SRRM4: variants seen among roughly 807,000 people sequenced by gnomAD.
The protein encoded by SRRM4 is serine/arginine repetitive matrix protein 4.
In SRRM4, 33 loss-of-function variants were observed where a neutral mutation model predicts 68.9. The observed-to-expected ratio is 0.48, with a 90% confidence interval of 0.36 to 0.64. The LOEUF (loss-of-function observed/expected upper bound fraction) is 0.64. Ranked by LOEUF, SRRM4 falls within the 30% of genes least tolerant of loss-of-function variation. The probability of loss-of-function intolerance (pLI) is 0.00; values close to 1 mark genes in which losing one functional copy is unlikely to be tolerated. For missense variants in SRRM4, 817 were observed against 827.1 expected, an observed-to-expected ratio of 0.99 and a Z score of 0.15; for synonymous variants, 318 against 318.8, an observed-to-expected ratio of 1.00 and a Z score of 0.03.
chr12:119,154,484 G>A lies in SRRM4; in HGVS notation c.1532+101G>A. 1 of 1,371,080 alleles carries A rather than the reference G, an allele frequency of 7.3e-7. No homozygotes were observed. The highest frequency in any genetic ancestry group is 1.0e-6 in the Non-Finnish European group (1 of 999,494). 84.9% of individuals were successfully genotyped at this position (1,371,080 alleles called of 1,614,324 possible). ...TCTCCCTAGGCCTCCTTGGGGCTGGGATTTAGGATTGTGCGAGCTTATGGT... is the reference window on the plus strand; with the variant it reads ...TCTCCCTAGGCCTCCTTGGGGCTGGAATTTAGGATTGTGCGAGCTTATGGT... On this transcript the variant is annotated intron_variant, in intron 12 of 12. Coordinates refer to ENST00000267260, the MANE Select transcript of SRRM4 (RefSeq NM_194286.4). The surrounding 1 kb of genome is among the most constrained non-coding windows in gnomAD (Gnocchi z 4.7).
chr12:119,082,566 C>A (rs1156935167), intron 1 of SRRM4, among the ~76,000 whole-genome samples: 1 of 152,204 alleles, frequency 6.6e-6, no homozygotes, highest in East Asian at 1.9e-4. Flanking sequence ...GAATGCTGAG[C>A]CAAGCCATCC....
At chr12:119,105,782 T>C (rs1012281479) in intron 2 of SRRM4, among the ~76,000 whole-genome samples, 7 of 152,214 alleles carry the variant, frequency 4.6e-5, no homozygotes, top group African/African-American at 1.7e-4. Context: ...GCCTGTTCAC[T>C]CTGATGGTAG....
intron 8 of SRRM4, among the ~76,000 whole-genome samples, chr12:119,143,410 T>C (rs1219970383): frequency 1.3e-5 from 2 of 152,234 alleles, no homozygotes; most frequent in Non-Finnish European, 2.9e-5. Context: ...ACCCACAAAT[T>C]AGATGTCTAA....
chr12:119,007,571 T>C (rs1349085786), intron 1 of SRRM4, among the ~76,000 whole-genome samples: 1 of 152,186 alleles, frequency 6.6e-6, no homozygotes, highest in Non-Finnish European at 1.5e-5. Context: ...TATAATGTTC[T>C]ATTATAGGCA....
Position 119,125,476 on chromosome 12 carries a change from G to C in SRRM4, c.611G>C (p.Ser204Thr), listed in dbSNP as rs770242116. The C allele has an allele frequency of 6.3e-7, 1 of 1,583,286 alleles. No homozygotes were observed. Among genetic ancestry groups the C allele is most frequent in the Admixed American group, 1.8e-5 (1 of 56,484 alleles). Residue 204 changes from serine to threonine, a missense_variant, in exon 7 of 13, where the codon AGC becomes ACC. Transcript: ENST00000267260. ...SSESRPSSCE[S>T]RHRGRSPEEG... is the part of the protein sequence containing the mutation. ...GAGTCCCGCCCCTCAAGCTGTGAGA[G>C]CAGGTAACCCCTTGCCCCAGGATCC...
chr12:119,025,738 C>T (rs58472164), intron 1 of SRRM4, among the ~76,000 whole-genome samples: 1,598 of 152,090 alleles, frequency 0.011, 54 homozygotes, highest in African/African-American at 0.036. Context: ...GCCACTGTGC[C>T]GGTCTCATAT....
intron 1 of SRRM4, among the ~76,000 whole-genome samples, chr12:119,080,271 C>G (rs1161364850): frequency 6.6e-6 from 1 of 152,018 alleles, no homozygotes; most frequent in East Asian, 1.9e-4. Context: ...CCTCAGTTTC[C>G]TCTCCTTTAA....
intron 5 of SRRM4, 91 bp from the exon 6 acceptor site, chr12:119,121,979 G>A: frequency 1.2e-6 from 1 of 839,616 alleles, no homozygotes; most frequent in Non-Finnish European, 2.1e-6. Context: ...AAACTGCCTG[G>A]ATCTCACACT....
chr12:119,156,666 C>G lies in SRRM4; in HGVS notation c.1704C>G (p.Ser568Arg). The change falls in exon 13 of 13, where the codon AGC becomes AGG. Residue 568 changes from serine (S) to arginine (R), a missense_variant. Transcript: ENST00000267260. ...GACGGAGCCGGACCCGCACGAGCAGCAGCTCTAGCTCCCGCAGCCCTAGTC... is the reference window on the plus strand; with the variant it reads ...GACGGAGCCGGACCCGCACGAGCAGGAGCTCTAGCTCCCGCAGCCCTAGTC... ...SRRRSRTRTS[S>R]SSSSRSPSPG... is the part of the protein sequence containing the mutation. 1 of 1,570,828 alleles carries G rather than the reference C, an allele frequency of 6.4e-7. No homozygotes were observed.
At chr12:119,052,110 C>G (rs1457993423) in intron 1 of SRRM4, among the ~76,000 whole-genome samples, 1 of 152,192 alleles carries the variant, frequency 6.6e-6, no homozygotes, top group African/African-American at 2.4e-5. Flanking sequence ...AAGTCTTTCT[C>G]CTCAAGAGGC....
intron 1 of SRRM4, among the ~76,000 whole-genome samples, chr12:119,044,814 A>G (rs1232095500): frequency 1.3e-5 from 2 of 152,190 alleles, no homozygotes; most frequent in Admixed American, 6.5e-5. Context: ...GACCCCCAAC[A>G]GAGTTGTAGG....
In SRRM4 at chr12:119,108,639, CCT is replaced by C. The variant is rs541096686; in HGVS notation, c.279-5638_279-5637del. On this transcript the variant is annotated intron_variant, in intron 2 of 12. Transcript: ENST00000267260. Reference sequence around the variant, plus strand: ...TTTATCAGAGACTAGGATTGCAACCCCTGTTTGTTTTTTTTTTGTTTTCCATT... The same window carrying C: ...TTTATCAGAGACTAGGATTGCAACCCGTTTGTTTTTTTTTTGTTTTCCATT... Among the ~76,000 whole-genome samples, 1,385 of 143,572 alleles carry C rather than the reference CCT, an allele frequency of 9.6e-3. 31 individuals are homozygous for C. The highest frequency in any genetic ancestry group is 0.035 in the African/African-American group (1,305 of 37,200). The allele number at this position is 143,572 out of a possible 152,430, so 94.2% of individuals were successfully genotyped here. A position where few individuals can be genotyped will look rare whatever the true frequency, so the allele number is the denominator to read the frequency against.
chr12:119,010,824 A>G (rs1953444333), intron 1 of SRRM4, among the ~76,000 whole-genome samples: 1 of 152,246 alleles, frequency 6.6e-6, no homozygotes, highest in South Asian at 2.1e-4. Context: ...TGAAATATGC[A>G]TAATTATGGA....
At chr12:119,067,494 G>T (rs1221413380) in intron 1 of SRRM4, among the ~76,000 whole-genome samples, 1 of 152,058 alleles carries the variant, frequency 6.6e-6, no homozygotes, top group Admixed American at 6.6e-5. Context: ...ATTACCTGAG[G>T]TCAGGAGTTC....
intron 1 of SRRM4, among the ~76,000 whole-genome samples, chr12:118,982,691 TTTTTC>T (rs141794599): frequency 0.12 from 17,287 of 138,994 alleles, 1,105 homozygotes; most frequent in East Asian, 0.15. Flanking sequence ...TTTTTTTTTT[TTTTTC>T]CAAAAAGAAT....
At chr12:119,072,528 C>T (rs1361368975) in intron 1 of SRRM4, among the ~76,000 whole-genome samples, 1 of 152,096 alleles carries the variant, frequency 6.6e-6, no homozygotes, top group Non-Finnish European at 1.5e-5. Context: ...ATTGATGTTG[C>T]GCTTGGGGAT....
At chr12:119,042,583 G>A (rs1056519187) in intron 1 of SRRM4, among the ~76,000 whole-genome samples, 3 of 151,404 alleles carry the variant, frequency 2.0e-5, no homozygotes, top group South Asian at 4.2e-4. Context: ...GGTAGACAAT[G>A]GAAGATGAAA....
At chr12:118,991,864 A>G (rs1953318856) in intron 1 of SRRM4, 1 of 152,226 alleles carries the variant, frequency 6.6e-6, no homozygotes, top group African/African-American at 2.4e-5. Flanking sequence ...CAATACAACC[A>G]TAAGCACACT....
intron 1 of SRRM4, among the ~76,000 whole-genome samples, chr12:119,015,931 G>A (rs753317026): frequency 2.6e-5 from 4 of 152,016 alleles, no homozygotes; most frequent in Non-Finnish European, 5.9e-5. Context: ...TACACGCCTT[G>A]CATATTCATG....
Sources: gnomAD v4.1 joint callset for allele counts (sites outside exome capture counted in the v4.1 genomes callset) on GRCh38, gnomAD v4.1.1 for gene constraint, Gnocchi (gnomAD v3.1) non-coding constraint, MANE v1.5 for transcripts, NCBI Gene and HGNC (gene_info 2026-07-23, HGNC 2026-07-21) for gene names.